Variants in NLGN1 observed in about 807,000 individuals in gnomAD.
The protein encoded by NLGN1 is neuroligin 1.
A neutral mutation model predicts 65.5 loss-of-function variants in NLGN1; 12 were observed. The observed-to-expected ratio is 0.18, with a 90% CI of 0.12 to 0.30. The LOEUF (loss-of-function observed/expected upper bound fraction) is 0.30, where lower values mean the gene tolerates loss of function less well. Ranked by LOEUF, NLGN1 falls within the 10% of genes least tolerant of loss-of-function variation. The probability of loss-of-function intolerance (pLI) is 1.00; values close to 1 mark genes in which losing one functional copy is unlikely to be tolerated. For synonymous variants in NLGN1, 350 were observed against 359.5 expected, an observed-to-expected ratio of 0.97 and a Z score of 0.30; for missense variants, 750 against 1,007.1, an observed-to-expected ratio of 0.74 and a Z score of 3.46.
intron 4 of NLGN1, among the ~76,000 whole-genome samples, chr3:174,238,429 C>G (rs1342446224): frequency 6.6e-6 from 1 of 151,930 alleles, no homozygotes; most frequent in Non-Finnish European, 1.5e-5. Flanking sequence ...GTGGCACAAT[C>G]TCAGCTCACT....
chr3:174,229,850 T>A (rs1353104947), intron 4 of NLGN1, among the ~76,000 whole-genome samples: 1 of 152,140 alleles, frequency 6.6e-6, no homozygotes, highest in Non-Finnish European at 1.5e-5. Context: ...CTCTTGCTTT[T>A]TATTGACTGT....
At chr3:173,690,274 AAC>A (rs1560175805) in intron 3 of NLGN1, among the ~76,000 whole-genome samples, 2 of 152,220 alleles carry the variant, frequency 1.3e-5, no homozygotes. Context: ...TGCTGACCAC[AAC>A]ATCATGACTT....
intron 3 of NLGN1, among the ~76,000 whole-genome samples, chr3:173,667,836 T>C (rs1044279990): frequency 2.0e-5 from 3 of 152,124 alleles, no homozygotes; most frequent in Admixed American, 2.0e-4. Flanking sequence ...TTTCACCATA[T>C]CGGACAGGCT....
At chr3:173,518,030 C>A (rs187168111) in intron 2 of NLGN1, among the ~76,000 whole-genome samples, 4 of 152,250 alleles carry the variant, frequency 2.6e-5, no homozygotes, top group Admixed American at 2.6e-4. Context: ...GAAATTAGAT[C>A]AAAGGGTGTA....
intron 4 of NLGN1, among the ~76,000 whole-genome samples, chr3:174,138,507 A>G (rs1223404748): frequency 6.9e-6 from 1 of 145,388 alleles, no homozygotes; most frequent in Non-Finnish European, 1.5e-5. Context: ...CCATCTCTGC[A>G]CACTACAAGC....
At chr3:174,220,857 C>T (rs983126317) in intron 4 of NLGN1, among the ~76,000 whole-genome samples, 14 of 152,134 alleles carry the variant, frequency 9.2e-5, no homozygotes, top group Non-Finnish European at 1.0e-4. Context: ...GAAAGCAACA[C>T]GTCTGCAATC....
chr3:174,279,254 T>C lies in NLGN1; in HGVS notation c.1253T>C (p.Phe418Ser). 1 of 1,613,332 alleles carries C rather than the reference T, an allele frequency of 6.2e-7. No individual in the cohort carries two copies. Among genetic ancestry groups the C allele is most frequent in the Non-Finnish European group, 8.5e-7 (1 of 1,179,552 alleles). Residue 418 changes from phenylalanine (F) to serine (S), a missense_variant, in exon 6 of 7, where the codon TTT becomes TCT. Physicochemically the swap from Phe to Ser is radical, Grantham distance 155. Coordinates refer to ENST00000457714, the Ensembl canonical transcript of NLGN1. This position sits in a 1 kb window ranked among gnomAD's most constrained non-coding sequence, Gnocchi z 4.7. ...GATTTTGACTTTGCTGTTTCAAATT[T>C]TGTTGATAATTTATATGGATATCCT...
At chr3:173,914,878 A>T (rs1740413494) in intron 4 of NLGN1, 1 of 152,194 alleles carries the variant, frequency 6.6e-6, no homozygotes, top group African/African-American at 2.4e-5. Flanking sequence ...TTAAGTTAAA[A>T]GAGTGTCATA....
At chr3:173,648,583 C>CTT (rs963137738) in intron 3 of NLGN1, among the ~76,000 whole-genome samples, 1 of 147,740 alleles carries the variant, frequency 6.8e-6, no homozygotes, top group Non-Finnish European at 1.5e-5. Flanking sequence ...TTCTTTCTTT[C>CTT]TTTTTTTTTT....
At chr3:173,610,153 G>A (rs981636214) in intron 3 of NLGN1, among the ~76,000 whole-genome samples, 1 of 151,832 alleles carries the variant, frequency 6.6e-6, no homozygotes, top group Non-Finnish European at 1.5e-5. Context: ...GGAAGTGATA[G>A]ATTCTTCATA....
chr3:173,573,017 G>A (rs1447858917), intron 2 of NLGN1, among the ~76,000 whole-genome samples: 1 of 152,138 alleles, frequency 6.6e-6, no homozygotes. Context: ...TCACTACAAG[G>A]TGATGCTCTC....
At chr3:174,124,230 G>A (rs891854275) in intron 4 of NLGN1, among the ~76,000 whole-genome samples, 1 of 152,058 alleles carries the variant, frequency 6.6e-6, no homozygotes, top group Admixed American at 6.6e-5. Flanking sequence ...CCAGTCTATG[G>A]TGTTTGCTAT....
At chr3:173,619,074 C>T (rs1428338218) in intron 3 of NLGN1, among the ~76,000 whole-genome samples, 2 of 152,104 alleles carry the variant, frequency 1.3e-5, no homozygotes, top group African/African-American at 2.4e-5. Context: ...TCATTTTGTA[C>T]TGGATCCTAC....
intron 4 of NLGN1, among the ~76,000 whole-genome samples, chr3:173,931,941 A>G (rs917330919): frequency 7.2e-5 from 11 of 152,118 alleles, no homozygotes; most frequent in African/African-American, 2.7e-4. Flanking sequence ...AGTTTGGATG[A>G]GAGATGCGTC....
intron 4 of NLGN1, among the ~76,000 whole-genome samples, chr3:174,139,634 G>T (rs1379120489): frequency 6.6e-6 from 1 of 152,022 alleles, no homozygotes; most frequent in Non-Finnish European, 1.5e-5. Flanking sequence ...ATAAAAAGGG[G>T]AAAAATGCTG....
intron 4 of NLGN1, among the ~76,000 whole-genome samples, chr3:174,068,952 G>A (rs1233669162): frequency 2.0e-5 from 3 of 152,138 alleles, no homozygotes; most frequent in Admixed American, 6.6e-5. Flanking sequence ...AACATGCCAC[G>A]TGAGAGAAAT....
intron 4 of NLGN1, among the ~76,000 whole-genome samples, chr3:173,981,589 C>T (rs1327497307): frequency 6.6e-6 from 1 of 151,992 alleles, no homozygotes; most frequent in Non-Finnish European, 1.5e-5. Context: ...AATATGTCTT[C>T]TATTTCTTGT....
intron 2 of NLGN1, among the ~76,000 whole-genome samples, chr3:173,584,371 A>T (rs111921602): frequency 4.0e-5 from 5 of 123,496 alleles, no homozygotes; most frequent in Non-Finnish European, 8.2e-5. Context: ...GTAGAAACCT[A>T]TATTAGGGTA....
chr3:173,438,271 A>G (rs2148781854), intron 2 of NLGN1, among the ~76,000 whole-genome samples: 1 of 152,132 alleles, frequency 6.6e-6, no homozygotes, highest in East Asian at 1.9e-4. Context: ...AGATGCATAA[A>G]TGTTTTGTGT....
Sources: allele counts gnomAD v4.1 joint callset (sites outside exome capture counted in the v4.1 genomes callset), GRCh38; gene constraint gnomAD v4.1.1; non-coding constraint Gnocchi (gnomAD v3.1); transcripts MANE v1.5; gene names NCBI Gene and HGNC (gene_info 2026-07-23, HGNC 2026-07-21).